Variants in RNF180 observed in about 807,000 individuals in gnomAD.
RNF180 encodes E3 ubiquitin-protein ligase RNF180.
In RNF180, 38 loss-of-function variants were observed where a neutral mutation model predicts 59.2. The observed-to-expected ratio is 0.64, with a 90% confidence interval of 0.50 to 0.84. The LOEUF is 0.84. Ranked by LOEUF, RNF180 falls within the 40% of genes least tolerant of loss-of-function variation. The pLI, the probability that RNF180 is intolerant of heterozygous loss-of-function variation, is 0.00. For missense variants in RNF180, 705 were observed against 700.9 expected, an observed-to-expected ratio of 1.01 and a Z score of -0.07; for synonymous variants, 262 against 240.3, an observed-to-expected ratio of 1.09 and a Z score of -0.84.
chr5:64,241,530 TAAC>T (rs1742806954), intron 5 of RNF180, among the ~76,000 whole-genome samples: 2 of 152,218 alleles, frequency 1.3e-5, no homozygotes, highest in Non-Finnish European at 2.9e-5. Context: ...CTGCATATGA[TAAC>T]TTATTCTATT....
chr5:64,281,603 A>T (rs1184111920), intron 5 of RNF180, among the ~76,000 whole-genome samples: 3 of 152,052 alleles, frequency 2.0e-5, no homozygotes, highest in African/African-American at 7.2e-5. Flanking sequence ...GGTTCAAGCA[A>T]TTCTCCTGCC....
chr5:64,209,351 G>A (rs1317718626), intron 2 of RNF180, among the ~76,000 whole-genome samples: 2 of 152,030 alleles, frequency 1.3e-5, no homozygotes, highest in East Asian at 1.9e-4. Flanking sequence ...TATGATCAAT[G>A]CTATGTGATT....
At chr5:64,217,272 A>G (rs2963002) in intron 4 of RNF180, 89 bp from the exon 5 acceptor site, 517,302 of 1,284,816 alleles carry the variant, frequency 0.4, 108,381 homozygotes, top group African/African-American at 0.66. Flanking sequence ...GGACAAGTGG[A>G]TTGTTTTAGG....
intron 5 of RNF180, among the ~76,000 whole-genome samples, chr5:64,222,824 C>G (rs888674367): frequency 5.9e-5 from 9 of 152,332 alleles, no homozygotes; most frequent in Admixed American, 3.3e-4. Flanking sequence ...TATCTCTTCT[C>G]TGCACATGAG....
In RNF180 at chr5:64,270,185, A is replaced by G. The variant is rs139504382; in HGVS notation, c.1227+52789A>G. Among the ~76,000 whole-genome samples, 34 of 151,946 alleles carry G rather than the reference A, an allele frequency of 2.2e-4. No homozygotes were observed. In the East Asian group the frequency reaches 6.6e-3, roughly 29 times the overall value. ...TATTTGCCTTGTCTATTTTTATTAC[A>G]TTTTTAGAGGAGACTACCGTAATTG... On this transcript the variant is annotated intron_variant, in intron 5 of 7. Coordinates refer to ENST00000389100, the MANE Select transcript of RNF180 (RefSeq NM_001113561.2).
chr5:64,192,903 G>GTGTGTGTGTATATA (rs1486448173), intron 1 of RNF180, among the ~76,000 whole-genome samples: 2 of 93,870 alleles, frequency 2.1e-5, no homozygotes, highest in African/African-American at 8.3e-5. Context: ...AGTGTGGCAT[G>GTGTGTGTGTATATA]TATATATATA....
intron 5 of RNF180, among the ~76,000 whole-genome samples, chr5:64,268,259 G>A (rs1467710487): frequency 1.3e-5 from 2 of 152,112 alleles, no homozygotes; most frequent in Non-Finnish European, 2.9e-5. Context: ...GCAGCAGAGA[G>A]TGTGAATTTA....
intron 1 of RNF180, among the ~76,000 whole-genome samples, chr5:64,184,256 A>C (rs1750761263): frequency 6.6e-6 from 1 of 152,150 alleles, no homozygotes; most frequent in African/African-American, 2.4e-5. Flanking sequence ...AGTCTGTGGT[A>C]CTTTGTTATG....
Position 64,231,541 on chromosome 5 carries a change from C to T in RNF180, c.1227+14145C>T, listed in dbSNP as rs1742103033. ...GTTTGATAAGGAAGAGTTGTGCTCT[C>T]TTTCGGTTAATTCGTTAGTTATATA... On this transcript the variant is annotated intron_variant, in intron 5 of 7. Coordinates refer to ENST00000389100, the MANE Select transcript of RNF180 (RefSeq NM_001113561.2). 2.0e-5 allele frequency among the ~76,000 whole-genome samples: 3 copies of T among 152,346 alleles called. No individual in the cohort carries two copies. The South Asian group carries it at 6.2e-4, about 32-fold the overall frequency.
intron 1 of RNF180, among the ~76,000 whole-genome samples, chr5:64,196,444 T>A (rs1561181511): frequency 2.0e-5 from 3 of 152,170 alleles, no homozygotes; most frequent in African/African-American, 7.2e-5. Flanking sequence ...GTTTTGTTTT[T>A]CATTTCTGAC....
rs987084187 is a variant in RNF180 at position 64,213,886 on chromosome 5, G to C, written c.560G>C (p.Arg187Pro). 1 of 1,614,002 alleles carries C rather than the reference G, an allele frequency of 6.2e-7. No homozygotes were observed. ...ACAGAAGCACTCTGCCTGGAGGTGCGACCAACATATTTTGAGATGAAGAAC... is the reference window on the plus strand; with the variant it reads ...ACAGAAGCACTCTGCCTGGAGGTGCCACCAACATATTTTGAGATGAAGAAC... ...RLTEALCLEV[R>P]PTYFEMKNEK... Residue 187 changes from arginine (R) to proline (P), a missense_variant, in exon 4 of 8, where the codon CGA becomes CCA. Coordinates refer to ENST00000389100, the MANE Select transcript of RNF180 (RefSeq NM_001113561.2).
intron 2 of RNF180, among the ~76,000 whole-genome samples, chr5:64,203,401 G>A (rs1415348239): frequency 6.6e-6 from 1 of 152,064 alleles, no homozygotes; most frequent in African/African-American, 2.4e-5. Flanking sequence ...ATGATTTTTA[G>A]TTGTGTAACC....
chr5:64,324,090 C>T (rs1744507998), intron 5 of RNF180, among the ~76,000 whole-genome samples: 1 of 152,302 alleles, frequency 6.6e-6, no homozygotes, highest in Non-Finnish European at 1.5e-5. Flanking sequence ...ATAAAGAGTT[C>T]AATTTTTACA....
intron 5 of RNF180, among the ~76,000 whole-genome samples, chr5:64,221,843 TC>T (rs1169813669): frequency 1.3e-5 from 2 of 152,164 alleles, no homozygotes; most frequent in Non-Finnish European, 1.5e-5. Context: ...TACAGGGAGT[TC>T]CCAAATGCTC....
At chr5:64,213,069 A>C (rs1311681281) in intron 3 of RNF180, among the ~76,000 whole-genome samples, 2 of 152,316 alleles carry the variant, frequency 1.3e-5, no homozygotes, top group South Asian at 2.1e-4. Context: ...TGATGTATGC[A>C]ATCAGTATAT....
At chr5:64,228,898 A>G (rs574476160) in intron 5 of RNF180, among the ~76,000 whole-genome samples, 90 of 151,080 alleles carry the variant, frequency 6.0e-4, no homozygotes, top group African/African-American at 2.2e-3. Flanking sequence ...ATCCATGACC[A>G]AAACTTTCTA....
At chr5:64,335,006 C>T (rs980568520) in intron 7 of RNF180, among the ~76,000 whole-genome samples, 1 of 152,146 alleles carries the variant, frequency 6.6e-6, no homozygotes, top group Non-Finnish European at 1.5e-5. Context: ...TTATCACCAG[C>T]TTTGTCTACC....
At chr5:64,211,939 G>A in intron 2 of RNF180, 126 bp from the exon 3 acceptor site, 1 of 519,502 alleles carries the variant, frequency 1.9e-6, no homozygotes, top group South Asian at 3.8e-5. Flanking sequence ...GTTAGGAAGG[G>A]AAGGCAGTGT....
At chr5:64,335,274 G>A (rs1745074136) in intron 7 of RNF180, among the ~76,000 whole-genome samples, 2 of 151,968 alleles carry the variant, frequency 1.3e-5, no homozygotes, top group Admixed American at 6.6e-5. Flanking sequence ...GGCAGTTATT[G>A]TCTCCCAGTC....
Sources: gnomAD v4.1 joint callset for allele counts (sites outside exome capture counted in the v4.1 genomes callset) on GRCh38, gnomAD v4.1.1 for gene constraint, MANE v1.5 for transcripts, NCBI Gene and HGNC (gene_info 2026-07-23, HGNC 2026-07-21) for gene names.